MAST4: variants seen among roughly 807,000 people sequenced by gnomAD.
The protein encoded by MAST4 is microtubule associated serine/threonine kinase family member 4, also known as microtubule-associated serine/threonine-protein kinase 4.
In MAST4, 89 loss-of-function variants were observed where a neutral mutation model predicts 162.7. The ratio of observed to expected loss-of-function variants is 0.55; its 90% CI spans 0.46 to 0.65. MAST4 has a LOEUF of 0.65. Ranked by LOEUF, MAST4 falls within the 30% of genes least tolerant of loss-of-function variation. The pLI is 0.00. For missense variants in MAST4, 3,153 were observed against 3,374.0 expected (o/e 0.93, Z 1.62); for synonymous variants, 1,479 against 1,361.1 (o/e 1.09, Z -1.91).
intron 1 of MAST4, among the ~76,000 whole-genome samples, chr5:66,747,121 TG>T (rs1260305191): frequency 8.8e-4 from 134 of 151,844 alleles, no homozygotes; most frequent in Non-Finnish European, 1.6e-3. Context: ...TGTGTGTGTG[TG>T]TGTGTGTGTA....
rs149759425 is a variant in MAST4 at position 66,703,442 on chromosome 5, G to A, written c.364-56267G>A. On this transcript the variant is annotated intron_variant, in intron 1 of 28. Coordinates refer to ENST00000403625, the MANE Select transcript of MAST4 (RefSeq NM_001164664.2). The stretch of plus-strand genomic sequence containing the variant: ...AATATCTAGGTTTATTAGTTGAATC[G>A]GTGGGAGCATGGGGGTGTAGGGATA... Among the ~76,000 whole-genome samples, 1,279 of 152,170 alleles carry A rather than the reference G, an allele frequency of 8.4e-3. 8 individuals are homozygous for A. The highest frequency in any genetic ancestry group is 0.028 in the South Asian group (133 of 4,812).
At position 67,164,285 on chromosome 5, in the gene MAST4, C is replaced by T; in HGVS notation, c.5106C>T (p.Leu1702=). 1 of 1,614,048 alleles carries T rather than the reference C, an allele frequency of 6.2e-7. No homozygotes were observed. The highest frequency in any genetic ancestry group is 8.5e-7 in the Non-Finnish European group (1 of 1,179,870). The change falls in exon 29 of 29, where the codon CTC becomes CTT. Residue 1702 remains leucine (L), a synonymous_variant. Transcript: ENST00000403625. This position sits in a 1 kb window ranked among gnomAD's most constrained non-coding sequence, Gnocchi z 5.3. Reference sequence around the variant, plus strand: ...CACTTGAGGACAAAGAGGACAACCTCTGCCCTGTGCTGAAGCCCAAGATGA... The same window carrying T: ...CACTTGAGGACAAAGAGGACAACCTTTGCCCTGTGCTGAAGCCCAAGATGA... ...KMSLEDKEDN[L]CPVLKPKMTA...
intron 1 of MAST4, among the ~76,000 whole-genome samples, chr5:66,622,422 T>TTC (rs2149408685): frequency 6.7e-6 from 1 of 150,102 alleles, no homozygotes; most frequent in African/African-American, 2.4e-5. Flanking sequence ...TTGTAAGGCT[T>TTC]TTTTTTTTTT....
At chr5:66,805,773 G>A (rs561567051) in intron 3 of MAST4, among the ~76,000 whole-genome samples, 68 of 152,188 alleles carry the variant, frequency 4.5e-4, no homozygotes, top group Non-Finnish European at 9.3e-4. Context: ...ATCAGCCTGC[G>A]AAGCTGGACC....
intron 4 of MAST4, among the ~76,000 whole-genome samples, chr5:66,925,085 C>T (rs1232184470): frequency 6.6e-6 from 1 of 152,124 alleles, no homozygotes; most frequent in Admixed American, 6.5e-5. Context: ...TTTCTATATA[C>T]TTTTAGACTT....
At chr5:66,682,645 G>A (rs1748403903) in intron 1 of MAST4, among the ~76,000 whole-genome samples, 1 of 152,228 alleles carries the variant, frequency 6.6e-6, no homozygotes, top group African/African-American at 2.4e-5. Context: ...GTGAGCATTA[G>A]GTATTGTTGC....
At chr5:66,858,349 A>G (rs1182749188) in intron 3 of MAST4, among the ~76,000 whole-genome samples, 2 of 152,104 alleles carry the variant, frequency 1.3e-5, no homozygotes, top group African/African-American at 4.8e-5. Context: ...ATTGCTTTTA[A>G]TTCATCTGAT....
intron 3 of MAST4, among the ~76,000 whole-genome samples, chr5:66,817,997 A>G (rs190085691): frequency 2.6e-4 from 39 of 152,242 alleles, no homozygotes; most frequent in Non-Finnish European, 4.1e-4. Flanking sequence ...CATTTTTTGG[A>G]AGAGTGCTGT....
intron 1 of MAST4, among the ~76,000 whole-genome samples, chr5:66,712,854 T>C (rs954839375): frequency 2.6e-5 from 4 of 152,238 alleles, no homozygotes; most frequent in Non-Finnish European, 2.9e-5. Flanking sequence ...TTGCTCCTAT[T>C]TGGTTTTGTT....
chr5:66,636,160 G>C (rs1561228383), intron 1 of MAST4, among the ~76,000 whole-genome samples: 1 of 151,960 alleles, frequency 6.6e-6, no homozygotes, highest in South Asian at 2.1e-4. Flanking sequence ...GTTTCACCGT[G>C]TTAGCCAGGA....
rs145873435 is a variant in MAST4, at chr5:66,780,680, C to G, written c.518-7990C>G. ...CTTTTATTCCCTTATTTGGCCCTGCCGATGTCCTGCTGATTGGTCCATTTT... is the reference window on the plus strand; with the variant it reads ...CTTTTATTCCCTTATTTGGCCCTGCGGATGTCCTGCTGATTGGTCCATTTT... On this transcript the variant is annotated intron_variant, in intron 2 of 28. Transcript: ENST00000403625. Among the ~76,000 whole-genome samples the G allele has an allele frequency of 4.5e-3, 690 of 152,266 alleles. 6 individuals are homozygous for G. The highest frequency in any genetic ancestry group is 0.016 in the African/African-American group (672 of 41,538).
chr5:66,820,728 A>G (rs1467704373), intron 3 of MAST4, among the ~76,000 whole-genome samples: 1 of 152,198 alleles, frequency 6.6e-6, no homozygotes, highest in South Asian at 2.1e-4. Context: ...GCTATATTTC[A>G]TATGTATATA....
chr5:66,818,921 T>C (rs927429237), intron 3 of MAST4, among the ~76,000 whole-genome samples: 2 of 152,234 alleles, frequency 1.3e-5, no homozygotes. Context: ...ACCGGTCTCT[T>C]TTCTTTCTAC....
At chr5:66,798,032 C>T (rs1309447333) in intron 3 of MAST4, among the ~76,000 whole-genome samples, 1 of 152,178 alleles carries the variant, frequency 6.6e-6, no homozygotes, top group East Asian at 1.9e-4. Context: ...GGTGAGCCTT[C>T]ACTTCATTTT....
chr5:66,935,301 T>C (rs530301607), intron 4 of MAST4, among the ~76,000 whole-genome samples: 3 of 152,210 alleles, frequency 2.0e-5, no homozygotes, highest in African/African-American at 7.2e-5. Context: ...TTTGATACTA[T>C]GTGGTATGAT....
chr5:66,940,592 A>G (rs1354453641), intron 4 of MAST4, among the ~76,000 whole-genome samples: 2 of 152,098 alleles, frequency 1.3e-5, no homozygotes, highest in Admixed American at 1.3e-4. Context: ...TTTAACATCA[A>G]ATTTTAACAA....
At chr5:66,969,689 A>G (rs1377319022) in intron 4 of MAST4, among the ~76,000 whole-genome samples, 1 of 152,146 alleles carries the variant, frequency 6.6e-6, no homozygotes, top group Non-Finnish European at 1.5e-5. Flanking sequence ...TGAGGGGCAG[A>G]CATCATAGGC....
chr5:67,111,123 C>T (rs1766184324), intron 11 of MAST4, among the ~76,000 whole-genome samples: 1 of 152,030 alleles, frequency 6.6e-6, no homozygotes, highest in African/African-American at 2.4e-5. Context: ...TTTGAGGTTT[C>T]AGTTAAAACT....
At chr5:66,598,335 A>G (rs1742332520) in intron 1 of MAST4, among the ~76,000 whole-genome samples, 1 of 152,194 alleles carries the variant, frequency 6.6e-6, no homozygotes. Context: ...CCTTGGGTAT[A>G]TCATTTCACT....
Sources: gnomAD v4.1 joint callset for allele counts (sites outside exome capture counted in the v4.1 genomes callset) on GRCh38, gnomAD v4.1.1 for gene constraint, Gnocchi (gnomAD v3.1) non-coding constraint, MANE v1.5 for transcripts, NCBI Gene and HGNC (gene_info 2026-07-23, HGNC 2026-07-21) for gene names.